AHI1: variants seen among roughly 807,000 people sequenced by gnomAD.
AHI1 encodes Abelson helper integration site 1.
A neutral mutation model predicts 149.3 loss-of-function variants in AHI1; 123 were observed. The ratio of observed to expected loss-of-function variants is 0.82; its 90% CI spans 0.71 to 0.96. The LOEUF is 0.96. Ranked by LOEUF, AHI1 falls within the 40% of genes least tolerant of loss-of-function variation. AHI1 has a pLI of 0.00. For synonymous variants in AHI1, 475 were observed against 459.8 expected (o/e 1.03, Z -0.42); for missense variants, 1,439 against 1,422.7 (o/e 1.01, Z -0.18).
At chr6:135,424,951 TTAAAAAA>T (rs1412139111) in intron 20 of AHI1, among the ~76,000 whole-genome samples, 1 of 151,906 alleles carries the variant, frequency 6.6e-6, no homozygotes, top group Non-Finnish European at 1.5e-5. Context: ...TATTCCTGTA[TTAAAAAA>T]TAAAACATAA....
At chr6:135,473,097 C>T (rs1055118574) in intron 5 of AHI1, among the ~76,000 whole-genome samples, 16 of 152,114 alleles carry the variant, frequency 1.1e-4, no homozygotes, top group Non-Finnish European at 2.1e-4. Flanking sequence ...AGTTTTAGCT[C>T]TTAAATATGT....
At chr6:135,395,741 T>C (rs889829462) in intron 22 of AHI1, among the ~76,000 whole-genome samples, 2 of 151,914 alleles carry the variant, frequency 1.3e-5, no homozygotes, top group African/African-American at 2.4e-5. Flanking sequence ...TAAAATGTGA[T>C]CTATTTTGGA....
Position 135,318,519 on chromosome 6 carries a change from C to T in AHI1, c.3426G>A (p.Lys1142=). ...TKIEKSPAPQ[K]QSINKNKSQD... is the part of the protein sequence containing the mutation. ...AATACGTATGCTCAAAAACATTTAC[C>T]TTTTGAGGAGCTGGAGATTTTTCTA... is the stretch of plus-strand genomic sequence containing the variant. Residue 1142 remains lysine, a splice_region_variant and synonymous_variant, in exon 26 of 29, where the codon AAG becomes AAA. Transcript: ENST00000265602. 2 of 1,571,288 alleles carry T rather than the reference C, an allele frequency of 1.3e-6. No homozygotes were observed. Among genetic ancestry groups the T allele is most frequent in the Non-Finnish European group, 1.7e-6 (2 of 1,153,100 alleles).
chr6:135,287,621 A>G (rs1206894898), intron 28 of AHI1, among the ~76,000 whole-genome samples: 1 of 152,248 alleles, frequency 6.6e-6, no homozygotes, highest in African/African-American at 2.4e-5. Flanking sequence ...TTCCTTCTCT[A>G]TCTTCTCATA....
At chr6:135,468,710 A>T (rs1390183882) in intron 5 of AHI1, among the ~76,000 whole-genome samples, 1 of 152,214 alleles carries the variant, frequency 6.6e-6, no homozygotes, top group Non-Finnish European at 1.5e-5. Context: ...ATCAGAGAAT[A>T]CTATAAACAA....
chr6:135,432,554 G>A (rs569372541), intron 16 of AHI1, among the ~76,000 whole-genome samples: 21 of 152,080 alleles, frequency 1.4e-4, no homozygotes, highest in East Asian at 7.7e-4. Context: ...GTGTTTCACC[G>A]TGTTAGCCAG....
At chr6:135,379,929 C>CT (rs1350752667) in intron 23 of AHI1, among the ~76,000 whole-genome samples, 2 of 134,102 alleles carry the variant, frequency 1.5e-5, no homozygotes, top group Non-Finnish European at 3.3e-5. Context: ...TCCTCCCTCC[C>CT]TCCCCCAACT....
intron 18 of AHI1, among the ~76,000 whole-genome samples, chr6:135,429,243 T>C (rs917960234): frequency 6.6e-6 from 1 of 151,724 alleles, no homozygotes; most frequent in African/African-American, 2.4e-5. Context: ...CTGCTAAATA[T>C]GGTACATAGC....
chr6:135,397,026 A>G (rs1490386465), intron 22 of AHI1, among the ~76,000 whole-genome samples: 1 of 151,876 alleles, frequency 6.6e-6, no homozygotes, highest in Non-Finnish European at 1.5e-5. Flanking sequence ...CCTGTAATCT[A>G]TAATTATATG....
chr6:135,494,294 G>A (rs759442129), intron 3 of AHI1, among the ~76,000 whole-genome samples: 7 of 152,206 alleles, frequency 4.6e-5, no homozygotes, highest in South Asian at 4.1e-4. Flanking sequence ...GAACAGTACC[G>A]TAGACAGAAG....
At chr6:135,414,190 A>G (rs1209501818) in intron 20 of AHI1, among the ~76,000 whole-genome samples, 1 of 152,218 alleles carries the variant, frequency 6.6e-6, no homozygotes, top group Admixed American at 6.5e-5. Context: ...AAGGCCATTC[A>G]GTGGAGAAAA....
intron 23 of AHI1, among the ~76,000 whole-genome samples, chr6:135,381,707 T>G (rs1776789123): frequency 6.6e-6 from 1 of 152,212 alleles, no homozygotes; most frequent in East Asian, 1.9e-4. Flanking sequence ...TAATCGGACT[T>G]ACTCTCCCCT....
At chr6:135,380,010 T>C (rs1776490339) in intron 23 of AHI1, among the ~76,000 whole-genome samples, 2 of 99,624 alleles carry the variant, frequency 2.0e-5, no homozygotes, top group African/African-American at 3.9e-5. Context: ...CCCCTCTTCC[T>C]CCCTCCTTCC....
At chr6:135,402,011 C>T (rs1780087594) in intron 22 of AHI1, among the ~76,000 whole-genome samples, 2 of 151,794 alleles carry the variant, frequency 1.3e-5, no homozygotes, top group East Asian at 3.9e-4. Flanking sequence ...AATTTTAAAA[C>T]CAGGTGAAAT....
chr6:135,475,168 C>G (rs919921749), intron 5 of AHI1, among the ~76,000 whole-genome samples: 2 of 152,168 alleles, frequency 1.3e-5, no homozygotes, highest in African/African-American at 4.8e-5. Context: ...CACATTTCAT[C>G]TAAACTGCTA....
rs1255326622 is a variant in AHI1, at chr6:135,463,273, A to T, written c.783T>A (p.Gly261=). 2 of 1,609,738 alleles carry T rather than the reference A, an allele frequency of 1.2e-6. No homozygotes were observed. The highest frequency in any genetic ancestry group is 2.2e-5 in the East Asian group (1 of 44,758). The change falls in exon 8 of 29, where the codon GGT becomes GGA. Residue 261 remains glycine, a synonymous_variant. Transcript: ENST00000265602. ...TAACTGAAGATTCTTTCTTTTGTTC[A>T]CCTTCAACTGTGTCACCAGAGATGG... ...TLTISGDTVE[G]EQKKESSVRS...
rs148402084 is a variant in AHI1, at chr6:135,315,380, C to T, written c.3426+3139G>A. On this transcript the variant is annotated intron_variant, in intron 26 of 28. Coordinates refer to ENST00000265602, the MANE Select transcript of AHI1 (RefSeq NM_001134831.2). ...TTTTCCGTGTGATGCTATGCCTCTA[C>T]CTGGGCCCCGGTAGCTTGCTGTAAC... Among the ~76,000 whole-genome samples the T allele has an allele frequency of 1.8e-3, 273 of 152,284 alleles. 3 individuals are homozygous for T. Among genetic ancestry groups the T allele is most frequent in the Admixed American group, 0.015 (227 of 15,288 alleles).
At chr6:135,296,058 T>C (rs1298829935) in intron 27 of AHI1, among the ~76,000 whole-genome samples, 3 of 152,200 alleles carry the variant, frequency 2.0e-5, no homozygotes, top group Non-Finnish European at 4.4e-5. Context: ...TTTCACCATG[T>C]TGGCCAGGCT....
At chr6:135,460,278 TA>T (rs1164136249) in intron 8 of AHI1, among the ~76,000 whole-genome samples, 1 of 152,206 alleles carries the variant, frequency 6.6e-6, no homozygotes, top group Non-Finnish European at 1.5e-5. Context: ...TACATATATG[TA>T]CCAGCAACAA....
Sources: gnomAD v4.1 joint callset for allele counts (sites outside exome capture counted in the v4.1 genomes callset) on GRCh38, gnomAD v4.1.1 for gene constraint, MANE v1.5 for transcripts, NCBI Gene and HGNC (gene_info 2026-07-23, HGNC 2026-07-21) for gene names.